The following IGF2BP2 variants were observed in gnomAD, a reference collection of about 807,000 sequenced individuals.
The protein encoded by IGF2BP2 is insulin-like growth factor 2 mRNA-binding protein 2.
IGF2BP2 carries 17 observed loss-of-function variants against 75.8 expected under a neutral mutation model. The observed-to-expected ratio is 0.22, with a 90% CI of 0.15 to 0.34. IGF2BP2 has a LOEUF of 0.34. Among genes scored for constraint, IGF2BP2 ranks in the 10% least tolerant of loss-of-function variants. IGF2BP2 has a pLI of 1.00. For missense variants in IGF2BP2, 516 were observed against 772.4 expected (o/e 0.67, Z 3.93); for synonymous variants, 288 against 295.6 (o/e 0.97, Z 0.26).
intron 2 of IGF2BP2, among the ~76,000 whole-genome samples, chr3:185,730,092 C>T (rs1000576268): frequency 6.6e-5 from 10 of 152,144 alleles, no homozygotes; most frequent in Non-Finnish European, 1.2e-4. Flanking sequence ...GAACACTGTA[C>T]ACAATAGTTA....
Position 185,824,963 on chromosome 3 carries a change from G to A in IGF2BP2, c.-3C>T. ...CCGATGTAAAGCTTGTTCATCATCC[G>A]TCTCTTCCCCGAGAGCCCGCGGCTC... is the stretch of plus-strand genomic sequence containing the variant. On this transcript the variant is annotated 5_prime_UTR_variant, in exon 1 of 16. The change creates a new upstream start codon in the 5' untranslated region. Transcript: ENST00000382199. 1.3e-6 allele frequency: 2 copies of A among 1,518,208 alleles called. No individual in the cohort carries two copies. Among genetic ancestry groups the A allele is most frequent in the Non-Finnish European group, 1.8e-6 (2 of 1,122,454 alleles). 94.0% of individuals were successfully genotyped at this position (1,518,208 alleles called of 1,614,324 possible).
At chr3:185,784,306 A>G (rs2149816278) in intron 2 of IGF2BP2, among the ~76,000 whole-genome samples, 1 of 145,210 alleles carries the variant, frequency 6.9e-6, no homozygotes, top group East Asian at 2.0e-4. Context: ...GTGTTTACAG[A>G]GGTCACTTTG....
In IGF2BP2 at chr3:185,660,182, T is replaced by C. The variant is rs16860170; in HGVS notation, c.1201-1773A>G. On this transcript the variant is annotated intron_variant, in intron 10 of 15. Coordinates refer to ENST00000382199, the MANE Select transcript of IGF2BP2 (RefSeq NM_006548.6). ...CACAAGGCTGGGTCAACACTGACAT[T>C]GCTGTTCCAGGAAAGGAAGTGAACA... Among the ~76,000 whole-genome samples, 588 of 152,316 alleles carry C rather than the reference T, an allele frequency of 3.9e-3. 2 individuals carry two copies. Among genetic ancestry groups the C allele is most frequent in the African/African-American group, 0.013 (552 of 41,582 alleles).
intron 2 of IGF2BP2, among the ~76,000 whole-genome samples, chr3:185,730,025 C>T (rs575360814): frequency 3.9e-5 from 6 of 152,106 alleles, no homozygotes; most frequent in African/African-American, 9.7e-5. Flanking sequence ...AGGTTTGTTA[C>T]GTGGATATAC....
intron 4 of IGF2BP2, among the ~76,000 whole-genome samples, chr3:185,694,952 T>A (rs1035236002): frequency 6.6e-6 from 1 of 152,148 alleles, no homozygotes; most frequent in African/African-American, 2.4e-5. Context: ...CCAGGCATGG[T>A]GGCGCTCACC....
chr3:185,760,305 ATATTAGACTCATCAGT>A (rs760232057), intron 2 of IGF2BP2, among the ~76,000 whole-genome samples: 3 of 152,208 alleles, frequency 2.0e-5, no homozygotes, highest in Non-Finnish European at 4.4e-5. Context: ...GAAGACAAGA[ATATTAGACTCATCAGT>A]TTTTTTTTCC....
chr3:185,807,834 G>T (rs916371076), intron 2 of IGF2BP2, among the ~76,000 whole-genome samples: 6 of 152,208 alleles, frequency 3.9e-5, no homozygotes, highest in African/African-American at 1.4e-4. Context: ...AAGCTTAGTA[G>T]CCAACCTTCC....
chr3:185,651,541 CAT>C (rs1301540907), intron 13 of IGF2BP2, among the ~76,000 whole-genome samples: 1 of 152,136 alleles, frequency 6.6e-6, no homozygotes, highest in Admixed American at 6.6e-5. Flanking sequence ...AGTGGTTCCA[CAT>C]GTGTGAATTT....
intron 2 of IGF2BP2, among the ~76,000 whole-genome samples, chr3:185,817,822 T>C (rs543350911): frequency 1.3e-5 from 2 of 152,328 alleles, no homozygotes; most frequent in South Asian, 4.1e-4. Context: ...ATAAGAAGGA[T>C]AAAACTTTAC....
chr3:185,810,100 T>C (rs775913587), intron 2 of IGF2BP2, among the ~76,000 whole-genome samples: 1 of 152,246 alleles, frequency 6.6e-6, no homozygotes, highest in African/African-American at 2.4e-5. Flanking sequence ...CTAAGTTTTC[T>C]AAGACATGCG....
intron 10 of IGF2BP2, among the ~76,000 whole-genome samples, chr3:185,672,105 G>A (rs1037185134): frequency 4.6e-5 from 7 of 152,144 alleles, no homozygotes; most frequent in African/African-American, 1.7e-4. Flanking sequence ...CTATTAATAA[G>A]ACAATACATT....
chr3:185,651,922 A>T (rs573727183), intron 13 of IGF2BP2, among the ~76,000 whole-genome samples, 172 bp downstream of exon 13: 2 of 151,898 alleles, frequency 1.3e-5, no homozygotes, highest in Non-Finnish European at 2.9e-5. Flanking sequence ...TTCCCAGCAG[A>T]GGGCAAACAT....
At chr3:185,754,913 C>T (rs2149658833) in intron 2 of IGF2BP2, among the ~76,000 whole-genome samples, 1 of 152,210 alleles carries the variant, frequency 6.6e-6, no homozygotes, top group African/African-American at 2.4e-5. Context: ...AAAGAAATGA[C>T]TTAAAGTGGA....
intron 2 of IGF2BP2, among the ~76,000 whole-genome samples, chr3:185,820,413 A>G (rs1374089741): frequency 6.6e-6 from 1 of 152,088 alleles, no homozygotes; most frequent in African/African-American, 2.4e-5. Flanking sequence ...ACCAAGAAAT[A>G]TTAATAGAGA....
intron 7 of IGF2BP2, among the ~76,000 whole-genome samples, chr3:185,682,289 A>C (rs990354121): frequency 6.6e-6 from 1 of 152,206 alleles, no homozygotes; most frequent in Non-Finnish European, 1.5e-5. Context: ...TAATTAATTA[A>C]TTAATCATGA....
chr3:185,796,445 C>T (rs539264380), intron 2 of IGF2BP2, among the ~76,000 whole-genome samples: 1 of 151,696 alleles, frequency 6.6e-6, no homozygotes, highest in South Asian at 2.1e-4. Context: ...CGCCTGTAAT[C>T]CCAGCTACTC....
chr3:185,685,919 T>C (rs552710850), intron 7 of IGF2BP2, among the ~76,000 whole-genome samples: 1 of 152,348 alleles, frequency 6.6e-6, no homozygotes, highest in African/African-American at 2.4e-5. Flanking sequence ...ACTGAGATTA[T>C]AGGTATGAGC....
intron 2 of IGF2BP2, among the ~76,000 whole-genome samples, chr3:185,736,925 G>C (rs1728932486): frequency 1.3e-5 from 2 of 152,178 alleles, no homozygotes; most frequent in African/African-American, 4.8e-5. Context: ...ATTAGAAATG[G>C]AACAGCCCTC....
At position 185,811,830 on chromosome 3, in the gene IGF2BP2, GTCTCTCTCTCTCTCTCTC is replaced by G. The variant is rs58208457; in HGVS notation, c.239+11305_239+11322del. On this transcript the variant is annotated intron_variant, in intron 2 of 15. Coordinates refer to ENST00000382199, the MANE Select transcript of IGF2BP2 (RefSeq NM_006548.6). ...CAGGGGACGGTGCTCAGAGTAGGGT[GTCTCTCTCTCTCTCTCTC>G]TCTCTCTCTCTCTCTCTCTCTCTCT... Among the ~76,000 whole-genome samples the G allele has an allele frequency of 2.3e-4, 28 of 120,808 alleles. No homozygotes were observed. In the South Asian group the frequency reaches 3.8e-3, roughly 16 times the overall value. The allele number at this position is 120,808 out of a possible 152,430, so 79.3% of individuals were successfully genotyped here.
Sources: gnomAD v4.1 joint callset for allele counts (sites outside exome capture counted in the v4.1 genomes callset) on GRCh38, gnomAD v4.1.1 for gene constraint, MANE v1.5 for transcripts, NCBI Gene and HGNC (gene_info 2026-07-23, HGNC 2026-07-21) for gene names.